C1orf21: variants seen among roughly 807,000 people sequenced by gnomAD.
C1orf21 encodes the protein chromosome 1 open reading frame 21.
Under a neutral mutation model 18.7 loss-of-function variants are expected in C1orf21, and 3 were observed. That is an observed-to-expected ratio of 0.16 (90% CI 0.07 to 0.42). The LOEUF is 0.42. C1orf21 is among the 10% of genes least tolerant of loss of function. C1orf21 has a pLI of 0.99. For missense variants in C1orf21, 104 were observed against 143.6 expected (o/e 0.72, Z 1.41); for synonymous variants, 41 against 46.4 (o/e 0.88, Z 0.47).
intron 2 of C1orf21, 41 bp from the exon 3 acceptor site, chr1:184,507,547 G>A (rs1557989631): frequency 1.3e-6 from 2 of 1,527,488 alleles, no homozygotes; most frequent in East Asian, 2.3e-5. Context: ...CTACTATTGG[G>A]AAAAAAATTA....
intron 1 of C1orf21, among the ~76,000 whole-genome samples, chr1:184,447,022 T>A (rs1037636790): frequency 1.3e-5 from 2 of 152,164 alleles, no homozygotes; most frequent in Non-Finnish European, 2.9e-5. Context: ...AACAAATTAA[T>A]TATCTGTTTT....
At chr1:184,600,952 T>C (rs1219511107) in intron 5 of C1orf21, among the ~76,000 whole-genome samples, 1 of 152,262 alleles carries the variant, frequency 6.6e-6, no homozygotes, top group African/African-American at 2.4e-5. Context: ...TGCCATCGTT[T>C]ATATAACCAA....
At chr1:184,582,552 A>C (rs774529807) in intron 3 of C1orf21, among the ~76,000 whole-genome samples, 1 of 152,236 alleles carries the variant, frequency 6.6e-6, no homozygotes, top group South Asian at 2.1e-4. Flanking sequence ...TCCAGCATCT[A>C]TCTGGCCCCT....
At chr1:184,453,566 G>A (rs1657154065) in intron 1 of C1orf21, among the ~76,000 whole-genome samples, 1 of 152,144 alleles carries the variant, frequency 6.6e-6, no homozygotes, top group African/African-American at 2.4e-5. Context: ...ATATACTGAT[G>A]TTAATATCCT....
At chr1:184,460,699 T>C (rs1477017436) in intron 1 of C1orf21, among the ~76,000 whole-genome samples, 5 of 146,080 alleles carry the variant, frequency 3.4e-5, no homozygotes, top group South Asian at 2.1e-4. Context: ...CTTCTTTCTT[T>C]TTTTCTCTTC....
chr1:184,405,912 T>C (rs1040194319), intron 1 of C1orf21, among the ~76,000 whole-genome samples: 1 of 152,232 alleles, frequency 6.6e-6, no homozygotes, highest in Admixed American at 6.5e-5. Context: ...TCTTATCTTC[T>C]GATCTGTAGG....
chr1:184,415,254 T>C (rs1368420645), intron 1 of C1orf21, among the ~76,000 whole-genome samples: 1 of 152,214 alleles, frequency 6.6e-6, no homozygotes, highest in African/African-American at 2.4e-5. Context: ...TCCTGTTGGC[T>C]TTACTACTAA....
At position 184,528,060 on chromosome 1, in the gene C1orf21, G is replaced by A. The variant is rs996248297; in HGVS notation, c.189+20378G>A. ...TGTAAAGTGCCTAGAACGGTGCCAG[G>A]TATATAGTAAGTGCTGTGTAAGTGT... On this transcript the variant is annotated intron_variant, in intron 3 of 5. Coordinates refer to ENST00000235307, the MANE Select transcript of C1orf21 (RefSeq NM_030806.4). 3.3e-5 allele frequency among the ~76,000 whole-genome samples: 5 copies of A among 152,176 alleles called. No homozygotes were observed. The East Asian group carries it at 5.8e-4, about 18-fold the overall frequency.
intron 3 of C1orf21, among the ~76,000 whole-genome samples, chr1:184,585,285 A>T (rs951491542): frequency 6.6e-6 from 1 of 152,162 alleles, no homozygotes; most frequent in Non-Finnish European, 1.5e-5. Flanking sequence ...TGACATATGC[A>T]CTGATGCTGC....
At chr1:184,582,948 C>T (rs1408464897) in intron 3 of C1orf21, among the ~76,000 whole-genome samples, 1 of 152,178 alleles carries the variant, frequency 6.6e-6, no homozygotes. Flanking sequence ...AAGAGATTCT[C>T]CTGTCTCAGC....
At chr1:184,440,598 A>C (rs920375479) in intron 1 of C1orf21, among the ~76,000 whole-genome samples, 1 of 151,662 alleles carries the variant, frequency 6.6e-6, no homozygotes, top group Non-Finnish European at 1.5e-5. Context: ...ATTTGCCTTG[A>C]GGAAATCCAA....
intron 3 of C1orf21, among the ~76,000 whole-genome samples, chr1:184,517,497 A>G (rs927876666): frequency 6.6e-6 from 1 of 152,162 alleles, no homozygotes; most frequent in Non-Finnish European, 1.5e-5. Flanking sequence ...TTCCCAAGCC[A>G]CTTGTACATC....
intron 1 of C1orf21, among the ~76,000 whole-genome samples, chr1:184,460,025 C>T (rs1458233356): frequency 6.6e-6 from 1 of 152,172 alleles, no homozygotes; most frequent in Non-Finnish European, 1.5e-5. Context: ...CAGGGCCTTC[C>T]CCACAGGGAC....
At chr1:184,400,977 A>G (rs1656141653) in intron 1 of C1orf21, among the ~76,000 whole-genome samples, 1 of 152,154 alleles carries the variant, frequency 6.6e-6, no homozygotes, top group South Asian at 2.1e-4. Flanking sequence ...AAAATATGAG[A>G]CTGCCTCTTA....
In C1orf21 at chr1:184,567,079, A is replaced by G. The variant is rs61825207; in HGVS notation, c.190-23660A>G. ...ACCATCTGAAAAACATCCTTGAGAA[A>G]GACAGTCAGGTGGCACAGTACTATG... On this transcript the variant is annotated intron_variant, in intron 3 of 5. Coordinates refer to ENST00000235307, the MANE Select transcript of C1orf21 (RefSeq NM_030806.4). The G allele has an allele frequency of 1.3e-3, 627 of 489,192 alleles. 3 individuals are homozygous for G. The highest frequency in any genetic ancestry group is 2.0e-3 in the Non-Finnish European group (478 of 243,392). The allele number at this position is 489,192 out of a possible 1,614,324, so 30.3% of individuals were successfully genotyped here.
At chr1:184,609,158 G>A (rs1260075900) in intron 5 of C1orf21, among the ~76,000 whole-genome samples, 1 of 152,186 alleles carries the variant, frequency 6.6e-6, no homozygotes, top group African/African-American at 2.4e-5. Context: ...CCCAGCCCAT[G>A]GAACAGTGAA....
At chr1:184,413,395 T>C (rs1376700067) in intron 1 of C1orf21, among the ~76,000 whole-genome samples, 3 of 152,236 alleles carry the variant, frequency 2.0e-5, no homozygotes, top group East Asian at 1.9e-4. Context: ...CAAAATCTCA[T>C]AGTATTAAGG....
intron 3 of C1orf21, among the ~76,000 whole-genome samples, chr1:184,589,331 T>TA (rs1449101045): frequency 6.6e-6 from 1 of 152,216 alleles, no homozygotes; most frequent in Non-Finnish European, 1.5e-5. Flanking sequence ...CTCTAACTTT[T>TA]AAAAACACGT....
Position 184,623,743 on chromosome 1 carries a change from A to T in C1orf21, c.*4187A>T, listed in dbSNP as rs1659961536. ...GCCAATGAATGGATGTATTTTTCCA[A>T]GGGGGGAATAGTATCCTTGACTTTG... On this transcript the variant is annotated 3_prime_UTR_variant, in exon 6 of 6. Coordinates refer to ENST00000235307, the MANE Select transcript of C1orf21 (RefSeq NM_030806.4). 1 of 152,590 alleles carries T rather than the reference A, an allele frequency of 6.6e-6. No homozygotes were observed. The highest frequency in any genetic ancestry group is 1.5e-5 in the Non-Finnish European group (1 of 68,018). 9.5% of individuals were successfully genotyped at this position (152,590 alleles called of 1,614,324 possible). A position where few individuals can be genotyped will look rare whatever the true frequency, so the allele number is the denominator to read the frequency against.
Sources: gnomAD v4.1 joint callset for allele counts (sites outside exome capture counted in the v4.1 genomes callset) on GRCh38, gnomAD v4.1.1 for gene constraint, MANE v1.5 for transcripts, NCBI Gene and HGNC (gene_info 2026-07-23, HGNC 2026-07-21) for gene names.